The following GRB2 variants were observed in gnomAD, a reference collection of about 807,000 sequenced individuals.
GRB2 encodes growth factor receptor bound protein 2, also known as growth factor receptor-bound protein 2.
In GRB2, 2 loss-of-function variants were observed where a neutral mutation model predicts 27.4. That is an observed-to-expected ratio of 0.07 (90% CI 0.03 to 0.23). GRB2 has a LOEUF of 0.23. GRB2 is among the 10% of genes least tolerant of loss of function. The pLI is 1.00. For missense variants in GRB2, 102 were observed against 282.4 expected (o/e 0.36, Z 4.58); for synonymous variants, 94 against 99.6 (o/e 0.94, Z 0.33).
At chr17:75,324,507 G>GTTTTGTTTTT (rs1555608339) in intron 4 of GRB2, among the ~76,000 whole-genome samples, 2 of 36,704 alleles carry the variant, frequency 5.4e-5, no homozygotes, top group African/African-American at 1.6e-4. Flanking sequence ...ACCGCACCCA[G>GTTTTGTTTTT]TTTTTTTTTT....
intron 2 of GRB2, among the ~76,000 whole-genome samples, chr17:75,341,799 A>G (rs1282150360): frequency 1.3e-5 from 2 of 152,128 alleles, no homozygotes; most frequent in Non-Finnish European, 2.9e-5. Flanking sequence ...TTGGTGAGTC[A>G]GGAGATGGGG....
intron 2 of GRB2, among the ~76,000 whole-genome samples, chr17:75,342,329 T>C (rs2032042036): frequency 6.6e-6 from 1 of 152,198 alleles, no homozygotes; most frequent in Non-Finnish European, 1.5e-5. Context: ...TAGCATATTT[T>C]GGGGAACTGA....
chr17:75,403,075 CAAAAAA>C lies in GRB2; in HGVS notation c.-138+2408_-138+2413del, dbSNP rs59384819. ...GGGCAACAAGAGCGAGAATCTGTCT[CAAAAAA>C]AAAAAAAAAGGAAAAAGAAAATAAT... On this transcript the variant is annotated intron_variant, in intron 1 of 5. Transcript: ENST00000316804. Among the ~76,000 whole-genome samples, 203 of 43,190 alleles carry C rather than the reference CAAAAAA, an allele frequency of 4.7e-3. 18 individuals are homozygous for C. The highest frequency in any genetic ancestry group is 0.047 in the South Asian group (33 of 708). The allele number at this position is 43,190 out of a possible 152,430, so 28.3% of individuals were successfully genotyped here.
Position 75,382,246 on chromosome 17 carries a change from G to A in GRB2, c.78+11305C>T, listed in dbSNP as rs2078933781. Among the ~76,000 whole-genome samples, 4 of 151,174 alleles carry A rather than the reference G, an allele frequency of 2.6e-5. No homozygotes were observed. The South Asian group carries it at 6.3e-4, about 24-fold the overall frequency. On this transcript the variant is annotated intron_variant, in intron 2 of 5. Coordinates refer to ENST00000316804, the MANE Select transcript of GRB2 (RefSeq NM_002086.5). ...CCAAAAAAAAAAAGTCCTGGGTAAT[G>A]TATCGAGACCTTGTCTCAAAAAAAA...
intron 2 of GRB2, among the ~76,000 whole-genome samples, chr17:75,342,451 T>C (rs749664282): frequency 6.6e-5 from 10 of 152,092 alleles, no homozygotes; most frequent in Non-Finnish European, 1.5e-4. Flanking sequence ...TAATAAAAAA[T>C]TGAGACGAGG....
At chr17:75,344,303 T>C (rs2078640827) in intron 2 of GRB2, 1 of 152,216 alleles carries the variant, frequency 6.6e-6, no homozygotes, top group African/African-American at 2.4e-5. Flanking sequence ...AAACACTGGT[T>C]AAGCTTCTTT....
At chr17:75,363,859 CAAAAAAAAAAAAAAAAAAAAA>C (rs55746272) in intron 2 of GRB2, among the ~76,000 whole-genome samples, 17 of 58,526 alleles carry the variant, frequency 2.9e-4, no homozygotes, top group Non-Finnish European at 4.4e-4. Context: ...GACTCCGTCT[CAAAAAAAAAAAAAAAAAAAAA>C]AAAAAAAAAA....
chr17:75,371,198 C>T (rs925748677), intron 2 of GRB2: 3 of 151,548 alleles, frequency 2.0e-5, no homozygotes, highest in South Asian at 2.1e-4. Flanking sequence ...TTCTTTAGAT[C>T]GTAAGCACAG....
chr17:75,394,878 A>C (rs181238838), intron 1 of GRB2: 53 of 152,372 alleles, frequency 3.5e-4, no homozygotes, highest in African/African-American at 1.1e-3. Context: ...CAGTAGTACA[A>C]TGAACGGTGT....
chr17:75,401,203 T>C (rs2079061250), intron 1 of GRB2, among the ~76,000 whole-genome samples: 1 of 151,402 alleles, frequency 6.6e-6, no homozygotes, highest in African/African-American at 2.4e-5. Context: ...CCCAGCACTT[T>C]GGGAGGCCGA....
intron 2 of GRB2, among the ~76,000 whole-genome samples, chr17:75,340,961 A>G (rs2078616645): frequency 6.6e-6 from 1 of 152,184 alleles, no homozygotes; most frequent in South Asian, 2.1e-4. Context: ...GAACACAGAG[A>G]GAACAGTTCT....
chr17:75,339,193 A>ATGT (rs1440021946), intron 2 of GRB2: 2 of 542,010 alleles, frequency 3.7e-6, no homozygotes, highest in Non-Finnish European at 6.3e-6. Context: ...TCCTGAGTTT[A>ATGT]TGTTTTTTTT....
chr17:75,366,911 G>A (rs193142293), intron 2 of GRB2, among the ~76,000 whole-genome samples: 3 of 151,964 alleles, frequency 2.0e-5, no homozygotes, highest in Admixed American at 2.0e-4. Context: ...TCACCAATAA[G>A]CTTAAGGTTC....
chr17:75,325,301 A>G (rs2078491359), intron 4 of GRB2, among the ~76,000 whole-genome samples: 1 of 152,190 alleles, frequency 6.6e-6, no homozygotes, highest in South Asian at 2.1e-4. Context: ...AATTTAATTC[A>G]AAATCCCGAC....
rs187393120 is a variant in GRB2, at chr17:75,391,418, A to C, written c.78+2133T>G. Among the ~76,000 whole-genome samples the C allele has an allele frequency of 2.9e-3, 444 of 152,268 alleles. 5 individuals are homozygous for C. The highest frequency in any genetic ancestry group is 9.9e-3 in the African/African-American group (413 of 41,548). On this transcript the variant is annotated intron_variant, in intron 2 of 5. Coordinates refer to ENST00000316804, the MANE Select transcript of GRB2 (RefSeq NM_002086.5). Reference sequence around the variant, plus strand: ...AAGAAGGTTTTTACACTTGCTCCAGAATTTACTAATTTAAGTTAAAGAATT... The same window carrying C: ...AAGAAGGTTTTTACACTTGCTCCAGCATTTACTAATTTAAGTTAAAGAATT...
chr17:75,360,870 T>C (rs910586426), intron 2 of GRB2, among the ~76,000 whole-genome samples: 2 of 152,220 alleles, frequency 1.3e-5, no homozygotes. Context: ...CACTACAGCC[T>C]TGAACTCCCA....
intron 2 of GRB2, among the ~76,000 whole-genome samples, chr17:75,343,580 G>A (rs2078636038): frequency 6.6e-6 from 1 of 152,172 alleles, no homozygotes. Context: ...ATCATCAAGA[G>A]AAATTGCTCT....
chr17:75,362,006 T>C (rs970875642), intron 2 of GRB2, among the ~76,000 whole-genome samples: 3 of 152,214 alleles, frequency 2.0e-5, no homozygotes, highest in Non-Finnish European at 2.9e-5. Flanking sequence ...AAAGCACTGC[T>C]TGTATTCCTG....
intron 4 of GRB2, among the ~76,000 whole-genome samples, chr17:75,322,223 G>C (rs62090281): frequency 1.3e-5 from 2 of 151,988 alleles, no homozygotes; most frequent in Non-Finnish European, 2.9e-5. Flanking sequence ...AAATACAAAA[G>C]TAGCTGGGCA....
Sources: allele counts gnomAD v4.1 joint callset (sites outside exome capture counted in the v4.1 genomes callset), GRCh38; gene constraint gnomAD v4.1.1; transcripts MANE v1.5; gene names NCBI Gene and HGNC (gene_info 2026-07-23, HGNC 2026-07-21).